DGKH: variants seen among roughly 807,000 people sequenced by gnomAD.
DGKH encodes diacylglycerol kinase eta.
A neutral mutation model predicts 159.3 loss-of-function variants in DGKH; 90 were observed. That is an observed-to-expected ratio of 0.57 (90% CI 0.48 to 0.67). The LOEUF (loss-of-function observed/expected upper bound fraction) is 0.67. Among genes scored for constraint, DGKH ranks in the 30% least tolerant of loss-of-function variants. DGKH has a pLI of 0.00. For missense variants in DGKH, 1,181 were observed against 1,506.1 expected, an observed-to-expected ratio of 0.78 and a Z score of 3.57; for synonymous variants, 536 against 553.8, an observed-to-expected ratio of 0.97 and a Z score of 0.45.
At chr13:42,166,446 C>A (rs1268810815) in intron 8 of DGKH, 69 bp from the exon 9 acceptor site, 3 of 1,303,294 alleles carry the variant, frequency 2.3e-6, no homozygotes, top group Non-Finnish European at 2.0e-6. Context: ...TTTCTTTTCT[C>A]TGAATGTTTG....
intron 5 of DGKH, among the ~76,000 whole-genome samples, chr13:42,158,669 T>C (rs34000170): frequency 0.12 from 18,204 of 152,158 alleles, 1,587 homozygotes; most frequent in East Asian, 0.42. Context: ...CATCTCAACA[T>C]AATACTTTCC....
intron 1 of DGKH, among the ~76,000 whole-genome samples, chr13:42,099,900 G>C (rs1275014187): frequency 6.6e-6 from 1 of 152,122 alleles, no homozygotes; most frequent in African/African-American, 2.4e-5. Flanking sequence ...TATAAGAATT[G>C]TTCTAAATTT....
At position 42,229,264 on chromosome 13, in the gene DGKH, T is replaced by C; in HGVS notation, c.*76T>C. The C allele has an allele frequency of 7.7e-7, 1 of 1,302,414 alleles. No individual in the cohort carries two copies. 80.7% of individuals were successfully genotyped at this position (1,302,414 alleles called of 1,614,324 possible). On this transcript the variant is annotated 3_prime_UTR_variant, in exon 30 of 30. Coordinates refer to ENST00000337343, the MANE Select transcript of DGKH (RefSeq NM_178009.5). Reference sequence around the variant, plus strand: ...GTCCTTGGAAGCAAGTGGCTGTTCTTGTAGTTTTCTGCATAGATAAGTAAG... The same window carrying C: ...GTCCTTGGAAGCAAGTGGCTGTTCTCGTAGTTTTCTGCATAGATAAGTAAG...
intron 1 of DGKH, among the ~76,000 whole-genome samples, chr13:42,097,498 C>G (rs1018788325): frequency 3.3e-5 from 5 of 152,116 alleles, no homozygotes; most frequent in African/African-American, 1.2e-4. Context: ...ACTCTTTTCT[C>G]TCAACTTTGT....
intron 1 of DGKH, among the ~76,000 whole-genome samples, chr13:42,089,488 A>G (rs1594011835): frequency 6.6e-6 from 1 of 152,188 alleles, no homozygotes; most frequent in Non-Finnish European, 1.5e-5. Flanking sequence ...TCTCAGCTAA[A>G]ATCAAGGTAT....
At position 42,135,489 on chromosome 13, in the gene DGKH, C is replaced by CACAAAAAAAAAAAAAAAAAAAAAAAAAAA. The variant is rs1223953901; in HGVS notation, c.384+5858_384+5859insCAAAAAAAAAAAAAAAAAAAAAAAAAAAA. Among the ~76,000 whole-genome samples, 59 of 50,966 alleles carry CACAAAAAAAAAAAAAAAAAAAAAAAAAAA rather than the reference C, an allele frequency of 1.2e-3. 5 individuals are homozygous for CACAAAAAAAAAAAAAAAAAAAAAAAAAAA. Among genetic ancestry groups the CACAAAAAAAAAAAAAAAAAAAAAAAAAAA allele is most frequent in the Non-Finnish European group, 1.9e-3 (44 of 23,398 alleles). 33.4% of individuals were successfully genotyped at this position (50,966 alleles called of 152,430 possible). On this transcript the variant is annotated intron_variant, in intron 3 of 29. Transcript: ENST00000337343. The stretch of plus-strand genomic sequence containing the variant: ...TGGGTGGCAGAGAAAGACCCTGTCT[C>CACAAAAAAAAAAAAAAAAAAAAAAAAAAA]AGAAAAAAAAAAAAAAAAAGAGAGA...
At chr13:42,218,821 T>TAAATCAGAAGGATTTTTGGCAC in intron 26 of DGKH, among the ~76,000 whole-genome samples, 1 of 152,190 alleles carries the variant, frequency 6.6e-6, no homozygotes, top group African/African-American at 2.4e-5. Context: ...GTGACCTATT[T>TAAATCAGAAGGATTTTTGGCAC]AAATCAGAAG....
intron 1 of DGKH, chr13:42,069,065 C>A: frequency 2.1e-6 from 3 of 1,420,332 alleles, no homozygotes; most frequent in Non-Finnish European, 3.0e-6. Flanking sequence ...TGCGGGATGC[C>A]TATTGGGCTC....
At position 42,236,365 on chromosome 13, in the gene DGKH, CT is replaced by C. The variant is rs1958412318; in HGVS notation, c.*7178del. The C allele has an allele frequency of 6.6e-6, 1 of 152,054 alleles. No individual in the cohort carries two copies. The highest frequency in any genetic ancestry group is 1.5e-5 in the Non-Finnish European group (1 of 68,016). 9.4% of individuals were successfully genotyped at this position (152,054 alleles called of 1,614,324 possible). On this transcript the variant is annotated 3_prime_UTR_variant, in exon 30 of 30. Transcript: ENST00000337343. ...TCCTTTTAAAAAACTGTATTCTTTA[CT>C]GCAATAGATAGCGGAATAGTAATAG...
At chr13:42,181,616 C>A in intron 13 of DGKH, 1 of 311,722 alleles carries the variant, frequency 3.2e-6, no homozygotes, top group Non-Finnish European at 7.0e-6. Context: ...CTCCCAGAGG[C>A]TCCTGGTAAG....
rs199581251 is a variant in DGKH, at chr13:42,199,953, A to C, written c.2493+44A>C. The C allele has an allele frequency of 8.8e-5, 103 of 1,168,658 alleles. 2 individuals carry two copies. In the African/African-American group the frequency reaches 1.4e-3, roughly 16 times the overall value. 72.4% of individuals were successfully genotyped at this position (1,168,658 alleles called of 1,614,324 possible). Reference sequence around the variant, plus strand: ...AAAGATATTTCATATTATCTTACTTAAAAAAAATATCGTTTTGGAGCTAAT... The same window carrying C: ...AAAGATATTTCATATTATCTTACTTCAAAAAAATATCGTTTTGGAGCTAAT... On this transcript the variant is annotated intron_variant, in intron 20 of 29. Coordinates refer to ENST00000337343, the MANE Select transcript of DGKH (RefSeq NM_178009.5).
chr13:42,244,874 A>G (rs576644368), downstream of DGKH, among the ~76,000 whole-genome samples: 11 of 121,278 alleles, frequency 9.1e-5, no homozygotes, highest in Admixed American at 1.2e-3. Context: ...ACTGCACTCC[A>G]GCCTGGGCGA....
chr13:42,206,098 C>T lies in DGKH; in HGVS notation c.2553C>T (p.Pro851=). The T allele has an allele frequency of 5.5e-6, 8 of 1,467,172 alleles. No homozygotes were observed. Among genetic ancestry groups the T allele is most frequent in the Non-Finnish European group, 7.3e-6 (8 of 1,100,988 alleles). The allele number at this position is 1,467,172 out of a possible 1,614,324, so 90.9% of individuals were successfully genotyped here. The stretch of plus-strand genomic sequence containing the variant: ...AAGGCATAGCCGTGTTGAACATTCC[C>T]AGCTATGCTGGAGGCACTAACTTTT... ...SLQGIAVLNI[P]SYAGGTNFWG... Residue 851 remains proline, a synonymous_variant, in exon 21 of 30, where the codon CCC becomes CCT. Coordinates refer to ENST00000337343, the MANE Select transcript of DGKH (RefSeq NM_178009.5).
chr13:42,052,992 T>G (rs1881432289), intron 1 of DGKH, among the ~76,000 whole-genome samples: 1 of 152,200 alleles, frequency 6.6e-6, no homozygotes, highest in South Asian at 2.1e-4. Context: ...GTCTCTAAAT[T>G]TAGGTAAAAC....
At chr13:42,054,758 T>C (rs1881628040) in intron 1 of DGKH, among the ~76,000 whole-genome samples, 1 of 152,088 alleles carries the variant, frequency 6.6e-6, no homozygotes, top group African/African-American at 2.4e-5. Context: ...CCACAAAAAA[T>C]TAAGTATGTG....
chr13:42,191,327 A>G (rs1419331925), intron 16 of DGKH, among the ~76,000 whole-genome samples: 2 of 152,174 alleles, frequency 1.3e-5, no homozygotes, highest in African/African-American at 4.8e-5. Context: ...GGGGCAATAG[A>G]CAATAGACAT....
upstream of DGKH, among the ~76,000 whole-genome samples, chr13:42,045,107 G>C (rs903205558): frequency 7.9e-5 from 12 of 152,168 alleles, no homozygotes; most frequent in African/African-American, 2.9e-4. Context: ...TCCTGGGGAA[G>C]ATGACCAGGG....
intron 1 of DGKH, among the ~76,000 whole-genome samples, chr13:42,074,648 G>GTCCA (rs10589269): frequency 0.22 from 32,637 of 148,874 alleles, 3,961 homozygotes; most frequent in Admixed American, 0.31. Flanking sequence ...GTATCTATCC[G>GTCCA]TCCATCCATC....
intron 1 of DGKH, among the ~76,000 whole-genome samples, chr13:42,098,120 C>G (rs563370985): frequency 6.6e-6 from 1 of 152,286 alleles, no homozygotes; most frequent in African/African-American, 2.4e-5. Flanking sequence ...AGCCTACACT[C>G]ATTAAGGTGT....
Sources: gnomAD v4.1 joint callset for allele counts (sites outside exome capture counted in the v4.1 genomes callset) on GRCh38, gnomAD v4.1.1 for gene constraint, MANE v1.5 for transcripts, NCBI Gene and HGNC (gene_info 2026-07-23, HGNC 2026-07-21) for gene names.